GAS2: variants seen among roughly 807,000 people sequenced by gnomAD.
The protein encoded by GAS2 is growth arrest specific 2.
In GAS2, 20 loss-of-function variants were observed where a neutral mutation model predicts 37.5. The ratio of observed to expected loss-of-function variants is 0.53; its 90% CI spans 0.37 to 0.77. The LOEUF (loss-of-function observed/expected upper bound fraction) is 0.77, where lower values mean the gene tolerates loss of function less well. Among genes scored for constraint, GAS2 ranks in the 30% least tolerant of loss-of-function variants. GAS2 has a pLI of 0.00. For missense variants in GAS2, 336 were observed against 373.4 expected (o/e 0.90, Z 0.82); for synonymous variants, 144 against 132.2 (o/e 1.09, Z -0.61).
chr11:22,755,611 A>G, intron 6 of GAS2: 1 of 364,668 alleles, frequency 2.7e-6, no homozygotes, highest in Non-Finnish European at 5.0e-6. Context: ...CTCCAGCATC[A>G]TCACTGTCAT....
intron 1 of GAS2, among the ~76,000 whole-genome samples, chr11:22,673,742 A>G (rs757314442): frequency 6.6e-6 from 1 of 152,196 alleles, no homozygotes; most frequent in Non-Finnish European, 1.5e-5. Flanking sequence ...CCCCATCTCT[A>G]CTAAAAAATA....
intron 1 of GAS2, among the ~76,000 whole-genome samples, chr11:22,658,442 C>A (rs973102587): frequency 6.6e-6 from 1 of 152,136 alleles, no homozygotes; most frequent in Non-Finnish European, 1.5e-5. Flanking sequence ...TTGTCTAGGA[C>A]TAAAACCCTG....
intron 7 of GAS2, among the ~76,000 whole-genome samples, chr11:22,797,787 T>A (rs1856499679): frequency 6.6e-6 from 1 of 152,122 alleles, no homozygotes; most frequent in Non-Finnish European, 1.5e-5. Flanking sequence ...ACTTTCAGCA[T>A]TTTTGTATGG....
At chr11:22,713,650 A>G (rs1851520555) in intron 3 of GAS2, among the ~76,000 whole-genome samples, 1 of 152,200 alleles carries the variant, frequency 6.6e-6, no homozygotes, top group African/African-American at 2.4e-5. Flanking sequence ...TATCAGATTA[A>G]CAGGAGATTT....
intron 6 of GAS2, among the ~76,000 whole-genome samples, chr11:22,752,476 C>T (rs1238822128): frequency 6.6e-6 from 1 of 151,958 alleles, no homozygotes; most frequent in African/African-American, 2.4e-5. Flanking sequence ...ATAGTAACTG[C>T]TTCACTGCAT....
chr11:22,795,369 C>T (rs926818920), intron 7 of GAS2, among the ~76,000 whole-genome samples: 2 of 151,808 alleles, frequency 1.3e-5, no homozygotes, highest in African/African-American at 2.4e-5. Context: ...TGCCATGCTG[C>T]AATGGGGAAA....
intron 1 of GAS2, 147 bp from the exon 2 acceptor site, chr11:22,674,703 A>G: frequency 1.8e-6 from 1 of 565,636 alleles, no homozygotes; most frequent in South Asian, 3.4e-5. Flanking sequence ...GTACAGATAA[A>G]GCAAATAGTG....
intron 1 of GAS2, among the ~76,000 whole-genome samples, chr11:22,630,233 T>C (rs1340232085): frequency 6.6e-6 from 1 of 152,170 alleles, no homozygotes. Context: ...GTGTGTGATG[T>C]TCCCCTTCCT....
chr11:22,775,961 C>T (rs1210598444), intron 7 of GAS2, among the ~76,000 whole-genome samples: 1 of 152,210 alleles, frequency 6.6e-6, no homozygotes, highest in African/African-American at 2.4e-5. Flanking sequence ...CCTTCCAGAG[C>T]ATTCTTTGGC....
intron 7 of GAS2, among the ~76,000 whole-genome samples, chr11:22,772,504 T>A (rs920523739): frequency 2.0e-5 from 3 of 152,178 alleles, no homozygotes; most frequent in African/African-American, 7.2e-5. Flanking sequence ...TGGTGTGGCA[T>A]TTTCTAAAAA....
intron 1 of GAS2, among the ~76,000 whole-genome samples, chr11:22,658,560 A>G (rs994386091): frequency 2.6e-5 from 4 of 152,164 alleles, no homozygotes; most frequent in Admixed American, 6.5e-5. Flanking sequence ...TGCTTATCCA[A>G]AAAAAATCTA....
intron 7 of GAS2, among the ~76,000 whole-genome samples, chr11:22,806,727 C>T (rs78594643): frequency 0.016 from 2,477 of 152,258 alleles, 34 homozygotes; most frequent in South Asian, 0.033. Flanking sequence ...CTAACTGAGA[C>T]GTCAGCAAGA....
At chr11:22,702,294 G>A (rs553606103) in intron 3 of GAS2, 1 of 152,262 alleles carries the variant, frequency 6.6e-6, no homozygotes, top group East Asian at 1.9e-4. Context: ...AACTCTTGAG[G>A]TGGGTGGCAG....
intron 3 of GAS2, among the ~76,000 whole-genome samples, chr11:22,700,130 C>T (rs187264902): frequency 6.6e-6 from 1 of 152,218 alleles, no homozygotes; most frequent in Admixed American, 6.5e-5. Flanking sequence ...GTTTCCTAGT[C>T]TTTATCCCTT....
intron 1 of GAS2, among the ~76,000 whole-genome samples, chr11:22,652,483 A>G (rs1180832212): frequency 2.0e-5 from 3 of 152,186 alleles, no homozygotes; most frequent in African/African-American, 7.2e-5. Flanking sequence ...TGTTTACCTA[A>G]GCAAGCCTGG....
At chr11:22,782,678 T>C (rs1855608693) in intron 7 of GAS2, among the ~76,000 whole-genome samples, 1 of 150,816 alleles carries the variant, frequency 6.6e-6, no homozygotes, top group Non-Finnish European at 1.5e-5. Context: ...TTTCTATTCC[T>C]GTGTTAGTTA....
intron 7 of GAS2, among the ~76,000 whole-genome samples, chr11:22,797,507 G>T (rs1856485593): frequency 6.6e-6 from 1 of 151,980 alleles, no homozygotes; most frequent in African/African-American, 2.4e-5. Context: ...TTCAAATAAA[G>T]ATTTGAGGAT....
At chr11:22,766,816 A>G (rs1854721324) in intron 7 of GAS2, among the ~76,000 whole-genome samples, 1 of 152,198 alleles carries the variant, frequency 6.6e-6, no homozygotes, top group African/African-American at 2.4e-5. Context: ...ACTTATATTT[A>G]TGGCCTTTGG....
chr11:22,785,369 G>T (rs939225388), intron 7 of GAS2, among the ~76,000 whole-genome samples: 9 of 152,068 alleles, frequency 5.9e-5, no homozygotes, highest in African/African-American at 1.9e-4. Context: ...TCACTCTGTT[G>T]CATTGTCCTC....
Sources: allele counts gnomAD v4.1 joint callset (sites outside exome capture counted in the v4.1 genomes callset), GRCh38; gene constraint gnomAD v4.1.1; transcripts MANE v1.5; gene names NCBI Gene and HGNC (gene_info 2026-07-23, HGNC 2026-07-21).